Variants in TAFA2 observed in about 807,000 individuals in gnomAD.
TAFA2 encodes TAFA chemokine like family member 2.
A neutral mutation model predicts 18.8 loss-of-function variants in TAFA2; 7 were observed. That is an observed-to-expected ratio of 0.37 (90% CI 0.21 to 0.70). TAFA2 has a LOEUF of 0.70. Ranked by LOEUF, TAFA2 falls within the 30% of genes least tolerant of loss-of-function variation. TAFA2 has a pLI of 0.53. For synonymous variants in TAFA2, 60 were observed against 54.2 expected (o/e 1.11, Z -0.47); for missense variants, 122 against 158.1 (o/e 0.77, Z 1.23).
At chr12:62,206,195 A>G (rs935596434) in intron 1 of TAFA2, among the ~76,000 whole-genome samples, 1 of 152,098 alleles carries the variant, frequency 6.6e-6, no homozygotes, top group Non-Finnish European at 1.5e-5. Flanking sequence ...TATGTATTTT[A>G]TCAGCCAACC....
intron 1 of TAFA2, among the ~76,000 whole-genome samples, chr12:61,872,358 C>T (rs1874648143): frequency 6.6e-6 from 1 of 151,990 alleles, no homozygotes; most frequent in African/African-American, 2.4e-5. Context: ...AAATACCGGA[C>T]AAACTTGGTG....
chr12:62,190,309 G>C (rs1179348553), intron 1 of TAFA2, among the ~76,000 whole-genome samples: 1 of 152,104 alleles, frequency 6.6e-6, no homozygotes, highest in East Asian at 1.9e-4. Flanking sequence ...TAGGGCGACG[G>C]ATCTCAAACT....
intron 2 of TAFA2, among the ~76,000 whole-genome samples, chr12:61,769,027 C>A (rs1869910946): frequency 6.6e-6 from 1 of 151,942 alleles, no homozygotes. Context: ...TGAAATTGTT[C>A]TTCAGGCTGC....
intron 2 of TAFA2, among the ~76,000 whole-genome samples, chr12:61,824,557 T>C (rs530631892): frequency 1.3e-5 from 2 of 152,206 alleles, no homozygotes; most frequent in South Asian, 4.1e-4. Flanking sequence ...TCTATTTTAT[T>C]TCCAAAAAAA....
Position 61,736,796 on chromosome 12 carries a change from G to A in TAFA2, c.384+16826C>T, listed in dbSNP as rs1254610403. 7.2e-5 allele frequency among the ~76,000 whole-genome samples: 11 copies of A among 152,024 alleles called. No homozygotes were observed. The East Asian group carries it at 2.1e-3, about 29-fold the overall frequency. ...CTCCTAGATGTAAAGTCTTCAGGCT[G>A]TGAATGAATGACTCTCTAATGCAAG... On this transcript the variant is annotated intron_variant, in intron 4 of 4. Coordinates refer to ENST00000416284, the MANE Select transcript of TAFA2 (RefSeq NM_178539.5).
intron 2 of TAFA2, among the ~76,000 whole-genome samples, chr12:61,764,359 G>C (rs1480920794): frequency 6.6e-6 from 1 of 151,964 alleles, no homozygotes; most frequent in African/African-American, 2.4e-5. Context: ...AGCATTGTAG[G>C]AATCACATTG....
chr12:62,254,631 A>C (rs1279244698), intron 1 of TAFA2, among the ~76,000 whole-genome samples: 2 of 152,146 alleles, frequency 1.3e-5, no homozygotes, highest in Non-Finnish European at 2.9e-5. Flanking sequence ...AACAAAAATC[A>C]ATGGTAAATA....
chr12:61,762,910 G>A (rs1311643745), intron 2 of TAFA2, among the ~76,000 whole-genome samples: 1 of 151,952 alleles, frequency 6.6e-6, no homozygotes, highest in Non-Finnish European at 1.5e-5. Flanking sequence ...TACCTTCTAA[G>A]CAGAAATAAA....
chr12:61,731,791 C>A (rs1870463172), intron 4 of TAFA2, among the ~76,000 whole-genome samples: 1 of 152,020 alleles, frequency 6.6e-6, no homozygotes, highest in Non-Finnish European at 1.5e-5. Flanking sequence ...CCCAAAGATG[C>A]AGGGAAGCAG....
intron 1 of TAFA2, among the ~76,000 whole-genome samples, chr12:62,125,030 A>G (rs549516535): frequency 6.6e-6 from 1 of 152,182 alleles, no homozygotes; most frequent in African/African-American, 2.4e-5. Context: ...AACCAAGTCA[A>G]CTCTTCTAAG....
chr12:61,809,381 A>T (rs1444025677), intron 2 of TAFA2, among the ~76,000 whole-genome samples: 3 of 151,576 alleles, frequency 2.0e-5, no homozygotes, highest in African/African-American at 7.3e-5. Context: ...TTTTAAAAAT[A>T]GTGAGTATCA....
At chr12:62,153,269 C>CATATATTATGTG in intron 1 of TAFA2, among the ~76,000 whole-genome samples, 1 of 152,216 alleles carries the variant, frequency 6.6e-6, no homozygotes, top group South Asian at 2.1e-4. Context: ...TGATATAAGA[C>CATATATTATGTG]ATACAAGAAG....
intron 2 of TAFA2, among the ~76,000 whole-genome samples, chr12:61,797,338 T>C (rs750622034): frequency 6.6e-6 from 1 of 152,024 alleles, no homozygotes; most frequent in African/African-American, 2.4e-5. Flanking sequence ...GGAAGACTTC[T>C]GCTCCTTTGG....
intron 1 of TAFA2, among the ~76,000 whole-genome samples, chr12:62,073,577 T>C (rs919551836): frequency 6.6e-6 from 1 of 152,008 alleles, no homozygotes; most frequent in South Asian, 2.1e-4. Flanking sequence ...CTATATATTA[T>C]AGATAAGAAA....
At chr12:62,038,484 G>T (rs1446457456) in intron 1 of TAFA2, among the ~76,000 whole-genome samples, 2 of 152,074 alleles carry the variant, frequency 1.3e-5, no homozygotes, top group Admixed American at 6.6e-5. Context: ...CATTGTATTA[G>T]ATATTATAAG....
At chr12:62,244,589 C>A (rs2062876406) in intron 1 of TAFA2, among the ~76,000 whole-genome samples, 1 of 152,058 alleles carries the variant, frequency 6.6e-6, no homozygotes, top group Non-Finnish European at 1.5e-5. Flanking sequence ...ACGGTAGATT[C>A]CAAGATGTAA....
intron 1 of TAFA2, among the ~76,000 whole-genome samples, chr12:62,068,954 G>A (rs1431450863): frequency 2.6e-5 from 4 of 152,156 alleles, no homozygotes; most frequent in Non-Finnish European, 5.9e-5. Context: ...TATGAGGTCT[G>A]AATGTCACAA....
At chr12:62,152,706 A>G (rs766307983) in intron 1 of TAFA2, among the ~76,000 whole-genome samples, 98 of 152,234 alleles carry the variant, frequency 6.4e-4, no homozygotes, top group Non-Finnish European at 1.1e-3. Flanking sequence ...AGCTACTTGC[A>G]TGGGTAATTG....
chr12:61,981,929 C>T (rs1879649180), intron 1 of TAFA2, among the ~76,000 whole-genome samples: 1 of 152,148 alleles, frequency 6.6e-6, no homozygotes, highest in African/African-American at 2.4e-5. Flanking sequence ...ACCCAGCAAT[C>T]CCATTACTGG....
Sources: allele counts gnomAD v4.1 joint callset (sites outside exome capture counted in the v4.1 genomes callset), GRCh38; gene constraint gnomAD v4.1.1; transcripts MANE v1.5; gene names NCBI Gene and HGNC (gene_info 2026-07-23, HGNC 2026-07-21).